KLF12: variants seen among roughly 807,000 people sequenced by gnomAD.
KLF12 encodes the protein KLF transcription factor 12, also known as Krueppel-like factor 12.
KLF12 carries 9 observed loss-of-function variants against 37.8 expected under a neutral mutation model. That is an observed-to-expected ratio of 0.24 (90% CI 0.14 to 0.42). The LOEUF is 0.42. Ranked by LOEUF, KLF12 falls within the 10% of genes least tolerant of loss-of-function variation. KLF12 has a pLI of 1.00. For synonymous variants in KLF12, 208 were observed against 202.1 expected, an observed-to-expected ratio of 1.03 and a Z score of -0.25; for missense variants, 411 against 516.0, an observed-to-expected ratio of 0.80 and a Z score of 1.97.
At chr13:73,706,448 A>T (rs1411530184) in intron 7 of KLF12, among the ~76,000 whole-genome samples, 1 of 152,266 alleles carries the variant, frequency 6.6e-6, no homozygotes, top group Non-Finnish European at 1.5e-5. Context: ...AACTATGTAC[A>T]GAATGGTTGC....
chr13:74,273,014 A>C, the KLF12 span, among the ~76,000 whole-genome samples: 369 of 152,326 alleles, frequency 2.4e-3, 4 homozygotes, highest in African/African-American at 8.2e-3. Flanking sequence ...AACTGGGTCA[A>C]ATGGGCTGTG....
At chr13:74,299,870 C>T in the KLF12 span, among the ~76,000 whole-genome samples, 111 of 152,130 alleles carry the variant, frequency 7.3e-4, no homozygotes, top group African/African-American at 1.6e-3. Flanking sequence ...GTTTCTTCAG[C>T]GCCAGCAGTT....
At chr13:74,054,947 C>T (rs977526569) in intron 1 of KLF12, among the ~76,000 whole-genome samples, 6 of 152,152 alleles carry the variant, frequency 3.9e-5, no homozygotes, top group Admixed American at 2.6e-4. Flanking sequence ...GGACACATGA[C>T]ATTTATTCCA....
intron 5 of KLF12, among the ~76,000 whole-genome samples, chr13:73,796,617 T>A (rs1881990009): frequency 6.6e-6 from 1 of 152,048 alleles, no homozygotes; most frequent in Non-Finnish European, 1.5e-5. Context: ...CCTTGATATC[T>A]GTTCCTGTGA....
chr13:74,012,313 T>C (rs991803554), intron 1 of KLF12, among the ~76,000 whole-genome samples: 1 of 152,206 alleles, frequency 6.6e-6, no homozygotes, highest in African/African-American at 2.4e-5. Context: ...CATGTCTGAA[T>C]GGAAGTGTCA....
chr13:74,119,290 C>A (rs755716131), intron 1 of KLF12, among the ~76,000 whole-genome samples: 15 of 151,594 alleles, frequency 9.9e-5, no homozygotes, highest in Non-Finnish European at 2.1e-4. Flanking sequence ...CAAGATCACA[C>A]CACTGCACTC....
At chr13:74,007,149 T>C (rs963239611) in intron 1 of KLF12, among the ~76,000 whole-genome samples, 9 of 151,882 alleles carry the variant, frequency 5.9e-5, no homozygotes, top group Non-Finnish European at 1.3e-4. Context: ...TATTTTTTAA[T>C]TAACCTTAGA....
chr13:73,937,662 A>G (rs1405324169), intron 3 of KLF12, among the ~76,000 whole-genome samples: 1 of 152,224 alleles, frequency 6.6e-6, no homozygotes, highest in Non-Finnish European at 1.5e-5. Flanking sequence ...AAAGGGAAGA[A>G]GGGCAGAATT....
chr13:74,196,190 T>A, the KLF12 span, among the ~76,000 whole-genome samples: 2 of 152,138 alleles, frequency 1.3e-5, no homozygotes, highest in Admixed American at 6.5e-5. Context: ...ATATTTGGTA[T>A]GTTGGATATC....
intron 4 of KLF12, among the ~76,000 whole-genome samples, chr13:73,823,070 G>A (rs1160135819): frequency 2.0e-5 from 3 of 152,188 alleles, no homozygotes; most frequent in Non-Finnish European, 4.4e-5. Context: ...GCAATGTACA[G>A]AGAAGGTTTT....
At chr13:73,824,636 C>T (rs1941610090) in intron 4 of KLF12, among the ~76,000 whole-genome samples, 1 of 152,090 alleles carries the variant, frequency 6.6e-6, no homozygotes, top group Admixed American at 6.6e-5. Context: ...TTCATGTCCT[C>T]ATCTTATACC....
intron 5 of KLF12, among the ~76,000 whole-genome samples, chr13:73,787,950 G>C (rs1261733570): frequency 6.6e-6 from 1 of 152,014 alleles, no homozygotes; most frequent in East Asian, 1.9e-4. Flanking sequence ...AAGGGTAAGA[G>C]GAACCTTGGG....
chr13:74,114,996 G>A (rs1877203586), intron 1 of KLF12, among the ~76,000 whole-genome samples: 2 of 151,998 alleles, frequency 1.3e-5, no homozygotes, highest in African/African-American at 4.8e-5. Context: ...TCTAATGCCT[G>A]ACGATCTAAG....
intron 1 of KLF12, among the ~76,000 whole-genome samples, chr13:74,111,840 G>T (rs1161228275): frequency 2.0e-5 from 3 of 152,112 alleles, no homozygotes; most frequent in African/African-American, 7.2e-5. Context: ...TGAAAGATAT[G>T]TTTTTAAAAG....
chr13:73,832,100 G>A (rs1884191469), intron 4 of KLF12, among the ~76,000 whole-genome samples: 1 of 152,172 alleles, frequency 6.6e-6, no homozygotes, highest in South Asian at 2.1e-4. Flanking sequence ...AAGTAACATA[G>A]AGTACATGTA....
intron 1 of KLF12, among the ~76,000 whole-genome samples, chr13:74,072,408 A>ATAT (rs1874324035): frequency 2.1e-5 from 1 of 48,450 alleles, no homozygotes; most frequent in African/African-American, 5.6e-5. Flanking sequence ...TATATATATA[A>ATAT]AAGATTATCT....
At chr13:74,282,952 T>G in the KLF12 span, among the ~76,000 whole-genome samples, 1 of 152,250 alleles carries the variant, frequency 6.6e-6, no homozygotes, top group Admixed American at 6.5e-5. Flanking sequence ...ATTTTGATTT[T>G]CAATGTGTTG....
intron 7 of KLF12, 107 bp from the exon 8 acceptor site, chr13:73,695,778 T>C: frequency 9.5e-7 from 1 of 1,058,094 alleles, no homozygotes; most frequent in Non-Finnish European, 1.4e-6. Context: ...AATTTTCCCG[T>C]TGGTAAATCT....
intron 3 of KLF12, among the ~76,000 whole-genome samples, chr13:73,941,906 A>G (rs2139356602): frequency 6.6e-6 from 1 of 152,296 alleles, no homozygotes; most frequent in South Asian, 2.1e-4. Context: ...TTAAAATACC[A>G]ACATCAGCTC....
Sources: allele counts gnomAD v4.1 joint callset (sites outside exome capture counted in the v4.1 genomes callset), GRCh38; gene constraint gnomAD v4.1.1; transcripts MANE v1.5; gene names NCBI Gene and HGNC (gene_info 2026-07-23, HGNC 2026-07-21).